H3-3A: variants seen among roughly 807,000 people sequenced by gnomAD.
H3-3A encodes the protein H3.3 histone A.
For synonymous variants in H3-3A, 49 were observed against 61.4 expected (o/e 0.80, Z 0.95); for missense variants, 7 against 184.0 (o/e 0.04, Z 5.57).
chr1:226,061,985 G>A (rs1262114117), upstream of H3-3A: 2 of 152,172 alleles, frequency 1.3e-5, no homozygotes, highest in East Asian at 1.9e-4. Context: ...AGCGGATCAA[G>A]TTGTCTACGG....
At chr1:226,062,981 GCGGCGGCTCCCC>G (rs1657784070) in intron 1 of H3-3A, among the ~76,000 whole-genome samples, 170 bp downstream of exon 1, 1 of 151,988 alleles carries the variant, frequency 6.6e-6, no homozygotes, top group East Asian at 1.9e-4. Context: ...CCCTCTGGCG[GCGGCGGCTCCCC>G]CGTCTCTCGC....
chr1:226,071,091 T>C (rs1019144793), intron 3 of H3-3A, among the ~76,000 whole-genome samples: 1 of 152,222 alleles, frequency 6.6e-6, no homozygotes, highest in Non-Finnish European at 1.5e-5. Context: ...TTAGAAAAAT[T>C]GAAGTTTCCT....
intron 3 of H3-3A, chr1:226,066,059 G>T: frequency 2.0e-6 from 1 of 495,040 alleles, no homozygotes; most frequent in South Asian, 4.0e-5. Flanking sequence ...TTAAAATTTT[G>T]AAACATTGCA....
upstream of H3-3A, among the ~76,000 whole-genome samples, chr1:226,062,406 G>A (rs1412146229): frequency 6.6e-6 from 1 of 151,302 alleles, no homozygotes; most frequent in Non-Finnish European, 1.5e-5. Flanking sequence ...GAGCGGGATG[G>A]GAGTGCAGGG....
chr1:226,062,382 G>A (rs1263535493), upstream of H3-3A, among the ~76,000 whole-genome samples: 3 of 151,204 alleles, frequency 2.0e-5, no homozygotes. Flanking sequence ...GGGGTTCGAC[G>A]CCGTGCGCAC....
intron 2 of H3-3A, 42 bp from the exon 3 acceptor site, chr1:226,065,614 A>C (rs1367382639): frequency 7.5e-6 from 11 of 1,458,352 alleles, no homozygotes; most frequent in Non-Finnish European, 9.3e-6. Context: ...TTTTTGTGCT[A>C]GTTATGTTTT....
At chr1:226,065,487 A>G (rs1279667093) in intron 2 of H3-3A, among the ~76,000 whole-genome samples, 169 bp from the exon 3 acceptor site, 1 of 152,190 alleles carries the variant, frequency 6.6e-6, no homozygotes, top group Admixed American at 6.5e-5. Flanking sequence ...TATTGTTACT[A>G]GATTTGAATG....
chr1:226,066,610 A>G (rs969447587), intron 3 of H3-3A: 1 of 152,226 alleles, frequency 6.6e-6, no homozygotes, highest in Admixed American at 6.5e-5. Flanking sequence ...TAAGTAACCT[A>G]TTTTATATTG....
rs146871780 is a variant in H3-3A at position 226,069,281 on chromosome 1, G to A, written c.283-2070G>A. ...AGTCTAGTCTCAAGCTCCTGACCTC[G>A]GGTGATCTGCCTGCCTCGGCCTCCC... On this transcript the variant is annotated intron_variant, in intron 3 of 3. Transcript: ENST00000366815. Among the ~76,000 whole-genome samples the A allele has an allele frequency of 6.8e-3, 1,032 of 152,112 alleles. 10 individuals carry two copies. The highest frequency in any genetic ancestry group is 0.023 in the African/African-American group (973 of 41,478).
Position 226,064,592 on chromosome 1 carries a change from TC to T in H3-3A, c.128+114del, listed in dbSNP as rs764127180. 5.7e-6 allele frequency: 4 copies of T among 705,328 alleles called. No individual in the cohort carries two copies. The African/African-American group carries it at 7.2e-5, about 13-fold the overall frequency. The allele number at this position is 705,328 out of a possible 1,614,324, so 43.7% of individuals were successfully genotyped here. A position where few individuals can be genotyped will look rare whatever the true frequency, so the allele number is the denominator to read the frequency against. On this transcript the variant is annotated intron_variant, in intron 2 of 3. Transcript: ENST00000366815. ...TTTGCTTTAGAGAAACTTTTTTTTT[TC>T]ATTTGAACACTTAACTACTGCTTAA...
intron 2 of H3-3A, 27 bp downstream of exon 2, chr1:226,064,506 A>G: frequency 1.9e-6 from 3 of 1,595,598 alleles, no homozygotes; most frequent in Non-Finnish European, 8.6e-7. Flanking sequence ...AAAAAATGGG[A>G]CAAAGTCTCT....
intron 3 of H3-3A, among the ~76,000 whole-genome samples, chr1:226,070,333 G>A (rs560794764): frequency 1.3e-5 from 2 of 151,920 alleles, no homozygotes; most frequent in South Asian, 2.1e-4. Flanking sequence ...TTAGTCAGGC[G>A]TGGTGGTGGG....
At chr1:226,069,677 C>A (rs1480989927) in intron 3 of H3-3A, among the ~76,000 whole-genome samples, 2 of 151,976 alleles carry the variant, frequency 1.3e-5, no homozygotes, top group African/African-American at 4.8e-5. Flanking sequence ...ACTAAAAATA[C>A]AAAATTAGCT....
chr1:226,065,593 G>C (rs988264312), intron 2 of H3-3A, 63 bp from the exon 3 acceptor site: 1 of 1,216,462 alleles, frequency 8.2e-7, no homozygotes, highest in Non-Finnish European at 1.2e-6. Flanking sequence ...CTTTGAAGCT[G>C]CCCACTTACC....
chr1:226,070,506 G>T lies in H3-3A; in HGVS notation c.283-845G>T, dbSNP rs373121860. Among the ~76,000 whole-genome samples, 216 of 151,530 alleles carry T rather than the reference G, an allele frequency of 1.4e-3. 1 individual carries two copies. Among genetic ancestry groups the T allele is most frequent in the African/African-American group, 4.9e-3 (201 of 41,210 alleles). On this transcript the variant is annotated intron_variant, in intron 3 of 3. Transcript: ENST00000366815. ...AAATAAGGAACTGCCGGGCGCGGTGGCTCACGCCTATAATCCCAGCACTTT... is the reference window on the plus strand; with the variant it reads ...AAATAAGGAACTGCCGGGCGCGGTGTCTCACGCCTATAATCCCAGCACTTT...
At chr1:226,071,319 C>G in intron 3 of H3-3A, 32 bp from the exon 4 acceptor site, 1 of 1,587,162 alleles carries the variant, frequency 6.3e-7, no homozygotes, top group Non-Finnish European at 8.6e-7. Flanking sequence ...GAAATAACAT[C>G]ATCAGTAATT....
At chr1:226,064,975 G>T (rs1048417867) in intron 2 of H3-3A, among the ~76,000 whole-genome samples, 1 of 152,146 alleles carries the variant, frequency 6.6e-6, no homozygotes, top group African/African-American at 2.4e-5. Context: ...GTTGTTAAGG[G>T]CATCTGCCAT....
intron 3 of H3-3A, among the ~76,000 whole-genome samples, chr1:226,068,807 A>C (rs1210570638): frequency 6.6e-6 from 1 of 152,214 alleles, no homozygotes; most frequent in Non-Finnish European, 1.5e-5. Flanking sequence ...GGTCATTGTG[A>C]GTGCCAAGGA....
chr1:226,062,258 C>T (rs1657732677), upstream of H3-3A, among the ~76,000 whole-genome samples: 1 of 150,038 alleles, frequency 6.7e-6, no homozygotes, highest in Admixed American at 6.6e-5. Flanking sequence ...GCAGCCCCTC[C>T]CTCCCCTCCC....
Sources: allele counts gnomAD v4.1 joint callset (sites outside exome capture counted in the v4.1 genomes callset), GRCh38; gene constraint gnomAD v4.1.1; transcripts MANE v1.5; gene names NCBI Gene and HGNC (gene_info 2026-07-23, HGNC 2026-07-21).